Variants in ZNF536 observed in about 807,000 individuals in gnomAD.
ZNF536 encodes the protein zinc finger protein 536.
A neutral mutation model predicts 84.5 loss-of-function variants in ZNF536; 13 were observed. The ratio of observed to expected loss-of-function variants is 0.15; its 90% CI spans 0.10 to 0.24. The LOEUF (loss-of-function observed/expected upper bound fraction) is 0.24, where lower values mean the gene tolerates loss of function less well. Ranked by LOEUF, ZNF536 falls within the 10% of genes least tolerant of loss-of-function variation. The probability of loss-of-function intolerance (pLI) is 1.00; values close to 1 mark genes in which losing one functional copy is unlikely to be tolerated. For synonymous variants in ZNF536, 811 were observed against 742.5 expected (o/e 1.09, Z -1.50); for missense variants, 1,536 against 1,747.5 (o/e 0.88, Z 2.16).
intron 1 of ZNF536, among the ~76,000 whole-genome samples, chr19:30,659,288 C>T (rs946201588): frequency 2.6e-5 from 4 of 151,680 alleles, no homozygotes; most frequent in African/African-American, 9.7e-5. Context: ...CTTACATGGC[C>T]AGGGCAGGAG....
At chr19:30,252,017 G>A (rs1275076520) in intron 1 of ZNF536, among the ~76,000 whole-genome samples, 1 of 152,144 alleles carries the variant, frequency 6.6e-6, no homozygotes, top group Non-Finnish European at 1.5e-5. Context: ...AACCCACAGA[G>A]TGGGAGAAAA....
chr19:30,657,939 G>A (rs111849822), intron 1 of ZNF536, among the ~76,000 whole-genome samples: 4 of 152,138 alleles, frequency 2.6e-5, no homozygotes, highest in African/African-American at 4.8e-5. Context: ...GTTTTTACAC[G>A]CTTCAGCTAG....
At chr19:30,305,404 G>C (rs968121087) in intron 2 of ZNF536, among the ~76,000 whole-genome samples, 1 of 152,136 alleles carries the variant, frequency 6.6e-6, no homozygotes, top group Non-Finnish European at 1.5e-5. Context: ...TATGGGGAGG[G>C]GTGGAAAGTA....
intron 1 of ZNF536, among the ~76,000 whole-genome samples, chr19:30,443,043 GTTTTT>G (rs199802157): frequency 3.0e-5 from 4 of 135,514 alleles, no homozygotes; most frequent in Non-Finnish European, 6.4e-5. Context: ...TTTTTTGTTT[GTTTTT>G]TTTTTTTTTT....
chr19:30,565,558 A>C (rs903203116), intron 1 of ZNF536, among the ~76,000 whole-genome samples: 1 of 152,222 alleles, frequency 6.6e-6, no homozygotes, highest in Non-Finnish European at 1.5e-5. Flanking sequence ...GCTTGCCCAC[A>C]GTCTTTTTTC....
chr19:30,499,636 G>A (rs909616071), intron 2 of ZNF536, among the ~76,000 whole-genome samples: 2 of 152,114 alleles, frequency 1.3e-5, no homozygotes, highest in African/African-American at 4.8e-5. Flanking sequence ...TGCATCAAAC[G>A]TATTTACACA....
At chr19:30,293,462 T>C (rs1365195197) in intron 2 of ZNF536, among the ~76,000 whole-genome samples, 3 of 152,218 alleles carry the variant, frequency 2.0e-5, no homozygotes, top group African/African-American at 7.2e-5. Context: ...GTCTTGCGTC[T>C]ATCTCAGGCA....
chr19:30,488,387 T>C (rs1041998359), intron 2 of ZNF536, among the ~76,000 whole-genome samples: 3 of 152,156 alleles, frequency 2.0e-5, no homozygotes, highest in African/African-American at 7.2e-5. Context: ...CCCTGCTACT[T>C]TGTGAGGACT....
rs187904758 is a variant in ZNF536 at position 30,628,806 on chromosome 19, G to C, written c.169+79292G>C. 6.6e-5 allele frequency among the ~76,000 whole-genome samples: 10 copies of C among 152,056 alleles called. No individual in the cohort carries two copies. The East Asian group carries it at 2.0e-3, about 30-fold the overall frequency. On this transcript the variant is annotated intron_variant, in intron 1 of 1. Coordinates refer to the ZNF536 transcript ENST00000592773. ...CTCCACCTCCTGGGTCCTGGTTCAAGCAATTCTCCTGCCTCAGCCTCCGCA... is the reference window on the plus strand; with the variant it reads ...CTCCACCTCCTGGGTCCTGGTTCAACCAATTCTCCTGCCTCAGCCTCCGCA...
At chr19:30,636,113 G>A (rs576924460) in intron 1 of ZNF536, among the ~76,000 whole-genome samples, 119 of 152,306 alleles carry the variant, frequency 7.8e-4, no homozygotes, top group Middle Eastern at 3.4e-3. Context: ...GCTTGGTGGG[G>A]CCCGGGTGTG....
At chr19:30,578,650 G>A (rs1019483012) in intron 1 of ZNF536, among the ~76,000 whole-genome samples, 13 of 152,200 alleles carry the variant, frequency 8.5e-5, no homozygotes, top group African/African-American at 3.1e-4. Context: ...GAATACTCAC[G>A]TGCATCTTTT....
intron 1 of ZNF536, among the ~76,000 whole-genome samples, chr19:30,273,566 C>T (rs2145505692): frequency 6.6e-6 from 1 of 152,248 alleles, no homozygotes; most frequent in Non-Finnish European, 1.5e-5. Context: ...AGATCTTTTG[C>T]CCATTTTTAA....
chr19:30,683,411 G>C (rs531066882), intron 1 of ZNF536, among the ~76,000 whole-genome samples: 1 of 152,322 alleles, frequency 6.6e-6, no homozygotes, highest in Non-Finnish European at 1.5e-5. Flanking sequence ...TAATTTGTTT[G>C]GAGTTCAAGG....
chr19:30,652,495 C>T (rs8104134), intron 1 of ZNF536, among the ~76,000 whole-genome samples: 3,695 of 152,176 alleles, frequency 0.024, 148 homozygotes, highest in African/African-American at 0.084. Flanking sequence ...TCTCTGCTGA[C>T]GAGGCCTGGG....
intron 2 of ZNF536, among the ~76,000 whole-genome samples, chr19:30,520,741 T>G (rs2044286622): frequency 6.6e-6 from 1 of 152,164 alleles, no homozygotes; most frequent in African/African-American, 2.4e-5. Context: ...TGCTGTTTTA[T>G]GCTGGTTTAC....
At chr19:30,618,169 C>G (rs1008190280) in intron 1 of ZNF536, among the ~76,000 whole-genome samples, 1 of 151,976 alleles carries the variant, frequency 6.6e-6, no homozygotes, top group Non-Finnish European at 1.5e-5. Flanking sequence ...TCATATTGTT[C>G]TTTGTGAATT....
chr19:30,296,132 G>A (rs531722143), intron 2 of ZNF536: 2 of 152,312 alleles, frequency 1.3e-5, no homozygotes, highest in East Asian at 1.9e-4. Flanking sequence ...CATATAATAA[G>A]TACTGTCATT....
At chr19:30,639,003 A>G (rs932741445) in intron 1 of ZNF536, among the ~76,000 whole-genome samples, 1 of 152,350 alleles carries the variant, frequency 6.6e-6, no homozygotes, top group East Asian at 1.9e-4. Context: ...TCTTAAATAT[A>G]TCAGGTATAG....
chr19:30,343,245 G>A (rs1033250465), intron 2 of ZNF536, among the ~76,000 whole-genome samples: 29 of 152,326 alleles, frequency 1.9e-4, no homozygotes, highest in African/African-American at 6.7e-4. Flanking sequence ...ATTATAAACA[G>A]TGTCGGCTTC....
Sources: allele counts gnomAD v4.1 joint callset (sites outside exome capture counted in the v4.1 genomes callset), GRCh38; gene constraint gnomAD v4.1.1; transcripts MANE v1.5; gene names NCBI Gene and HGNC (gene_info 2026-07-23, HGNC 2026-07-21).